The following FOXN3 variants were observed in gnomAD, a reference collection of about 807,000 sequenced individuals.
FOXN3 encodes forkhead box N3.
A neutral mutation model predicts 38.4 loss-of-function variants in FOXN3; 7 were observed. The observed-to-expected ratio is 0.18, with a 90% confidence interval of 0.10 to 0.34. FOXN3 has a LOEUF of 0.34. Ranked by LOEUF, FOXN3 falls within the 10% of genes least tolerant of loss-of-function variation. FOXN3 has a pLI of 1.00. For synonymous variants in FOXN3, 230 were observed against 242.2 expected (o/e 0.95, Z 0.47); for missense variants, 456 against 613.4 (o/e 0.74, Z 2.71).
At chr14:89,291,149 G>T (rs1156289993) in intron 3 of FOXN3, 3 of 501,812 alleles carry the variant, frequency 6.0e-6, no homozygotes, top group Non-Finnish European at 8.0e-6. Flanking sequence ...TCTCGTTGAC[G>T]TAAGTACCCA....
In FOXN3 at chr14:89,412,693, C is replaced by T. The variant is rs910665594; in HGVS notation, c.-14-203G>A. Among the ~76,000 whole-genome samples the T allele has an allele frequency of 6.6e-6, 1 of 152,044 alleles. No individual in the cohort carries two copies. The highest frequency in any genetic ancestry group is 1.5e-5 in the Non-Finnish European group (1 of 68,020). ...GATAGGCTGATGAGAAAAATCAGCC[C>T]GCCATTCATATAGCAAGGTGACCTG... is the stretch of plus-strand genomic sequence containing the variant. On this transcript the variant is annotated intron_variant, in intron 1 of 5. Coordinates refer to ENST00000557258, the MANE Select transcript of FOXN3 (RefSeq NM_005197.4). This position sits in a 1 kb window ranked among gnomAD's most constrained non-coding sequence, Gnocchi z 4.7.
intron 1 of FOXN3, among the ~76,000 whole-genome samples, chr14:89,608,297 AC>A (rs1411066972): frequency 6.6e-6 from 1 of 152,248 alleles, no homozygotes; most frequent in Admixed American, 6.5e-5. Flanking sequence ...TGCCCAGCCA[AC>A]ACCCAGATAA....
At chr14:89,331,886 T>C (rs1470194661) in intron 3 of FOXN3, among the ~76,000 whole-genome samples, 1 of 152,224 alleles carries the variant, frequency 6.6e-6, no homozygotes, top group African/African-American at 2.4e-5. Context: ...GTAATCTTTA[T>C]TTTAGATTAC....
intron 3 of FOXN3, among the ~76,000 whole-genome samples, chr14:89,341,155 G>A (rs987244273): frequency 2.8e-4 from 43 of 152,224 alleles, no homozygotes; most frequent in African/African-American, 9.6e-4. Context: ...GTCTAGCCTC[G>A]ACTGGCATCC....
intron 3 of FOXN3, chr14:89,291,327 G>T: frequency 1.8e-6 from 1 of 541,032 alleles, no homozygotes; most frequent in Admixed American, 2.0e-5. Context: ...GGGGTTGTTG[G>T]TCATGAGATG....
intron 1 of FOXN3, among the ~76,000 whole-genome samples, chr14:89,540,832 A>G (rs243223): frequency 1 from 152,140 of 152,292 alleles, 75,994 homozygotes; most frequent in Middle Eastern, 1. Context: ...GCTGCTAAGA[A>G]AAATCTATAT....
intron 3 of FOXN3, among the ~76,000 whole-genome samples, chr14:89,293,446 T>TG (rs1386849128): frequency 6.6e-6 from 1 of 152,198 alleles, no homozygotes; most frequent in Non-Finnish European, 1.5e-5. Context: ...CAGCAGGCTG[T>TG]GGGGGAGAAT....
chr14:89,229,009 A>G (rs952081319), intron 4 of FOXN3, among the ~76,000 whole-genome samples: 1 of 152,188 alleles, frequency 6.6e-6, no homozygotes, highest in Non-Finnish European at 1.5e-5. Flanking sequence ...AGGACCAGAT[A>G]AAATAATAGT....
chr14:89,413,732 G>A (rs1338303125), intron 1 of FOXN3, among the ~76,000 whole-genome samples: 2 of 146,888 alleles, frequency 1.4e-5, no homozygotes, highest in Non-Finnish European at 1.5e-5. Context: ...AAGGGGGAAG[G>A]GAAGGGAGAA....
chr14:89,280,882 C>A, intron 4 of FOXN3, 68 bp downstream of exon 4: 1 of 1,382,270 alleles, frequency 7.2e-7, no homozygotes, highest in Non-Finnish European at 1.0e-6. Flanking sequence ...TGACACCAAG[C>A]ACAAAGGAGT....
intron 3 of FOXN3, among the ~76,000 whole-genome samples, chr14:89,330,974 A>C (rs965981124): frequency 6.6e-6 from 1 of 152,224 alleles, no homozygotes; most frequent in East Asian, 1.9e-4. Context: ...GTCTGTCTAC[A>C]AGAAATGCTA....
In FOXN3 at chr14:89,182,472, G is replaced by A. The variant is rs555043711; in HGVS notation, c.746-1666C>T. On this transcript the variant is annotated intron_variant, in intron 4 of 5. Coordinates refer to ENST00000557258, the MANE Select transcript of FOXN3 (RefSeq NM_005197.4). ...AGTCCAGGGTTCCATAATCTCCCCC[G>A]TCACTTACCCTAATTAATTGTGAGA... 2.4e-4 allele frequency among the ~76,000 whole-genome samples: 37 copies of A among 152,298 alleles called. No individual in the cohort carries two copies. The South Asian group carries it at 3.3e-3, about 14-fold the overall frequency.
At chr14:89,530,200 A>C (rs1161423426) in intron 1 of FOXN3, among the ~76,000 whole-genome samples, 3 of 152,134 alleles carry the variant, frequency 2.0e-5, no homozygotes, top group Non-Finnish European at 4.4e-5. Flanking sequence ...AGACTCCCAA[A>C]GTGTTGGGAT....
chr14:89,395,432 C>T lies in FOXN3; in HGVS notation c.543+16502G>A, dbSNP rs144047243. Reference sequence around the variant, plus strand: ...ATCTCCTAACACCTAGTTCAATGCTCAGTACAGCATCCAAGCTTTCTCTCT... The same window carrying T: ...ATCTCCTAACACCTAGTTCAATGCTTAGTACAGCATCCAAGCTTTCTCTCT... On this transcript the variant is annotated intron_variant, in intron 2 of 5. Transcript: ENST00000557258. Among the ~76,000 whole-genome samples the T allele has an allele frequency of 2.0e-3, 300 of 152,222 alleles. 2 individuals are homozygous for T. The highest frequency in any genetic ancestry group is 6.8e-3 in the African/African-American group (282 of 41,520).
At position 89,294,076 on chromosome 14, in the gene FOXN3, G is replaced by A. The variant is rs114862627; in HGVS notation, c.681-13062C>T. Among the ~76,000 whole-genome samples the A allele has an allele frequency of 7.2e-3, 1,094 of 152,234 alleles. 13 individuals carry two copies. The highest frequency in any genetic ancestry group is 0.025 in the African/African-American group (1,033 of 41,548). On this transcript the variant is annotated intron_variant, in intron 3 of 5. Transcript: ENST00000557258. ...GTCCCTGCCTCCAGTCCCCATTGGG[G>A]CCCACCCGTTCTTCCCAAGGGCTCC...
chr14:89,613,622 A>AT (rs142079323), intron 1 of FOXN3, among the ~76,000 whole-genome samples: 3,922 of 151,852 alleles, frequency 0.026, 146 homozygotes, highest in African/African-American at 0.089. Context: ...TTCATATGTA[A>AT]TTTTTTTTTC....
intron 3 of FOXN3, among the ~76,000 whole-genome samples, chr14:89,325,256 C>A (rs1281537490): frequency 6.7e-6 from 1 of 148,994 alleles, no homozygotes; most frequent in African/African-American, 2.5e-5. Flanking sequence ...ACGACCACCA[C>A]CACCACCACC....
chr14:89,280,400 G>A (rs1014284472), intron 4 of FOXN3, among the ~76,000 whole-genome samples: 1 of 152,154 alleles, frequency 6.6e-6, no homozygotes, highest in African/African-American at 2.4e-5. Context: ...AACAGCAAGG[G>A]TGTCCCCTGT....
intron 3 of FOXN3, among the ~76,000 whole-genome samples, chr14:89,342,219 A>T (rs1474202463): frequency 6.6e-6 from 1 of 152,196 alleles, no homozygotes; most frequent in East Asian, 1.9e-4. Context: ...AGTAAAATAG[A>T]TATAATCAGC....
Sources: gnomAD v4.1 joint callset for allele counts (sites outside exome capture counted in the v4.1 genomes callset) on GRCh38, gnomAD v4.1.1 for gene constraint, Gnocchi (gnomAD v3.1) non-coding constraint, MANE v1.5 for transcripts, NCBI Gene and HGNC (gene_info 2026-07-23, HGNC 2026-07-21) for gene names.